Variants in GLIS3 observed in about 807,000 individuals in gnomAD.
GLIS3 encodes the protein zinc finger protein GLIS3.
Under a neutral mutation model 78.6 loss-of-function variants are expected in GLIS3, and 53 were observed. The ratio of observed to expected loss-of-function variants is 0.67; its 90% CI spans 0.54 to 0.85. The LOEUF is 0.85. Among genes scored for constraint, GLIS3 ranks in the 40% least tolerant of loss-of-function variants. The pLI is 0.00. For synonymous variants in GLIS3, 684 were observed against 509.9 expected (o/e 1.34, Z -4.60); for missense variants, 1,703 against 1,231.1 (o/e 1.38, Z -5.74).
chr9:4,130,105 C>A (rs1361428086), intron 2 of GLIS3, among the ~76,000 whole-genome samples: 5 of 152,142 alleles, frequency 3.3e-5, no homozygotes. Flanking sequence ...GAAGAAATTT[C>A]TAAGCAGCGA....
intron 6 of GLIS3, among the ~76,000 whole-genome samples, chr9:3,920,072 C>T (rs1020272578): frequency 1.1e-4 from 16 of 146,748 alleles, no homozygotes; most frequent in East Asian, 8.1e-4. Flanking sequence ...GGCACGGTCT[C>T]GGCTCACTGC....
intron 4 of GLIS3, among the ~76,000 whole-genome samples, chr9:4,039,976 A>G (rs1284096929): frequency 6.6e-6 from 1 of 152,160 alleles, no homozygotes; most frequent in Admixed American, 6.5e-5. Flanking sequence ...ACTGTTTGGG[A>G]AGATTTGAGT....
chr9:4,115,961 T>G (rs1831605616), intron 4 of GLIS3, among the ~76,000 whole-genome samples: 1 of 152,216 alleles, frequency 6.6e-6, no homozygotes. Context: ...AAGCTATGCA[T>G]AAGCCTGCGA....
chr9:3,935,994 T>G (rs761994717), intron 5 of GLIS3, among the ~76,000 whole-genome samples: 1 of 152,208 alleles, frequency 6.6e-6, no homozygotes, highest in Non-Finnish European at 1.5e-5. Context: ...AATATAAAAT[T>G]TAATAAATAT....
intron 2 of GLIS3, among the ~76,000 whole-genome samples, chr9:4,312,716 G>A (rs1041723034): frequency 2.6e-5 from 4 of 152,186 alleles, no homozygotes; most frequent in East Asian, 1.9e-4. Flanking sequence ...TGCTCACTTC[G>A]TTGTGGCTTA....
intron 4 of GLIS3, among the ~76,000 whole-genome samples, chr9:3,990,961 A>C (rs185642601): frequency 6.6e-6 from 1 of 152,268 alleles, no homozygotes; most frequent in African/African-American, 2.4e-5. Context: ...TGTCTAAGTG[A>C]AGCAGTTTTG....
At chr9:4,294,350 A>C (rs1339843137) in intron 1 of GLIS3, among the ~76,000 whole-genome samples, 1 of 152,148 alleles carries the variant, frequency 6.6e-6, no homozygotes, top group Non-Finnish European at 1.5e-5. Context: ...TCTCTACTAA[A>C]AATACAAAAT....
chr9:4,446,819 T>C, the GLIS3 span, among the ~76,000 whole-genome samples: 1 of 151,972 alleles, frequency 6.6e-6, no homozygotes, highest in Non-Finnish European at 1.5e-5. Context: ...TCCCAAATTC[T>C]TTCTCATGAT....
chr9:4,243,417 C>T (rs886218864), intron 2 of GLIS3, among the ~76,000 whole-genome samples: 12 of 150,658 alleles, frequency 8.0e-5, no homozygotes, highest in Non-Finnish European at 1.5e-4. Context: ...CACACACATA[C>T]GCATAGAGTA....
At chr9:4,090,948 A>T (rs527672863) in intron 4 of GLIS3, among the ~76,000 whole-genome samples, 87 of 152,318 alleles carry the variant, frequency 5.7e-4, no homozygotes, top group Non-Finnish European at 1.1e-3. Flanking sequence ...GCCATTTTCT[A>T]ACTTAGGTAA....
At chr9:4,298,823 C>T (rs1394158284) in intron 1 of GLIS3, among the ~76,000 whole-genome samples, 3 of 152,072 alleles carry the variant, frequency 2.0e-5, no homozygotes, top group Middle Eastern at 3.2e-3. Flanking sequence ...GTGTAGGTAC[C>T]CTCAGCCCGA....
At chr9:4,287,111 T>C (rs1234734270) in intron 1 of GLIS3, among the ~76,000 whole-genome samples, 1 of 152,202 alleles carries the variant, frequency 6.6e-6, no homozygotes, top group Admixed American at 6.5e-5. Flanking sequence ...TATTCAAATA[T>C]TCATGGCAGC....
chr9:3,949,323 T>G (rs1192221615), intron 4 of GLIS3, among the ~76,000 whole-genome samples: 1 of 152,242 alleles, frequency 6.6e-6, no homozygotes, highest in Non-Finnish European at 1.5e-5. Flanking sequence ...CCTTATGTTC[T>G]TGGCATGATC....
the GLIS3 span, among the ~76,000 whole-genome samples, chr9:4,462,708 G>A: frequency 1.3e-5 from 2 of 151,938 alleles, no homozygotes; most frequent in African/African-American, 4.8e-5. Flanking sequence ...TACACAGGAG[G>A]CTGAGGAAGG....
chr9:3,925,073 C>G (rs569441372), intron 6 of GLIS3, among the ~76,000 whole-genome samples: 1 of 152,214 alleles, frequency 6.6e-6, no homozygotes, highest in Admixed American at 6.5e-5. Flanking sequence ...GTCCCCATTA[C>G]CAATTTTCAG....
At chr9:4,485,206 G>C in the GLIS3 span, among the ~76,000 whole-genome samples, 1,462 of 151,834 alleles carry the variant, frequency 9.6e-3, 37 homozygotes, top group East Asian at 0.08. Context: ...GTAGAGACAG[G>C]GTTTCACCAT....
intron 4 of GLIS3, among the ~76,000 whole-genome samples, chr9:4,115,325 C>A (rs1489201054): frequency 6.6e-6 from 1 of 152,076 alleles, no homozygotes; most frequent in Non-Finnish European, 1.5e-5. Context: ...GCCACAAAAA[C>A]CAAAGGTCAC....
At chr9:4,287,148 C>T (rs992662036) in intron 1 of GLIS3, among the ~76,000 whole-genome samples, 1 of 152,074 alleles carries the variant, frequency 6.6e-6, no homozygotes, top group African/African-American at 2.4e-5. Flanking sequence ...CATAATGATC[C>T]TGAGTTATGG....
At chr9:4,363,529 T>A in the GLIS3 span, among the ~76,000 whole-genome samples, 1 of 152,214 alleles carries the variant, frequency 6.6e-6, no homozygotes, top group African/African-American at 2.4e-5. Flanking sequence ...ACTTCAAACA[T>A]ATTTAAGATA....
Sources: gnomAD v4.1 joint callset for allele counts (sites outside exome capture counted in the v4.1 genomes callset) on GRCh38, gnomAD v4.1.1 for gene constraint, MANE v1.5 for transcripts, NCBI Gene and HGNC (gene_info 2026-07-23, HGNC 2026-07-21) for gene names.